The following GALNT18 variants were observed in gnomAD, a reference collection of about 807,000 sequenced individuals.
The protein encoded by GALNT18 is polypeptide N-acetylgalactosaminyltransferase 18.
GALNT18 carries 44 observed loss-of-function variants against 69.5 expected under a neutral mutation model. The observed-to-expected ratio is 0.63, with a 90% CI of 0.50 to 0.81. GALNT18 has a LOEUF of 0.81. Ranked by LOEUF, GALNT18 falls within the 40% of genes least tolerant of loss-of-function variation. The pLI is 0.00. For missense variants in GALNT18, 715 were observed against 810.0 expected, an observed-to-expected ratio of 0.88 and a Z score of 1.42; for synonymous variants, 364 against 318.2, an observed-to-expected ratio of 1.14 and a Z score of -1.53.
intron 1 of GALNT18, among the ~76,000 whole-genome samples, chr11:11,464,175 T>G (rs1411876833): frequency 6.6e-6 from 1 of 152,250 alleles, no homozygotes; most frequent in Non-Finnish European, 1.5e-5. Flanking sequence ...GCTTCTTCAG[T>G]GGGTCCCAGG....
intron 6 of GALNT18, among the ~76,000 whole-genome samples, chr11:11,365,784 C>T (rs1040098062): frequency 9.9e-5 from 15 of 152,160 alleles, no homozygotes; most frequent in African/African-American, 3.4e-4. Flanking sequence ...ATATGAAGAA[C>T]AATACCTATA....
intron 2 of GALNT18, among the ~76,000 whole-genome samples, chr11:11,438,745 C>T (rs991038008): frequency 2.6e-5 from 4 of 152,072 alleles, no homozygotes; most frequent in Non-Finnish European, 1.5e-5. Context: ...GAGCGAGGGG[C>T]GAAATGAAGG....
chr11:11,284,258 G>A (rs1327039320), intron 10 of GALNT18, among the ~76,000 whole-genome samples: 1 of 152,214 alleles, frequency 6.6e-6, no homozygotes, highest in Non-Finnish European at 1.5e-5. Flanking sequence ...TTTCCCAAGT[G>A]TGTCTGTGGT....
Position 11,514,870 on chromosome 11 carries a change from A to C in GALNT18, c.236-65934T>G, listed in dbSNP as rs77072842. Among the ~76,000 whole-genome samples, 1,034 of 152,348 alleles carry C rather than the reference A, an allele frequency of 6.8e-3. 12 individuals are homozygous for C. Among genetic ancestry groups the C allele is most frequent in the African/African-American group, 0.024 (997 of 41,580 alleles). On this transcript the variant is annotated intron_variant, in intron 1 of 10. Transcript: ENST00000227756. ...AAGTGAAGGATCTGGACCAGGAGGC[A>C]GAGGTTTGGTTGCTCATGGGAGGAT...
intron 8 of GALNT18, among the ~76,000 whole-genome samples, chr11:11,330,142 C>T (rs950379413): frequency 1.3e-5 from 2 of 152,096 alleles, no homozygotes; most frequent in African/African-American, 4.8e-5. Context: ...GGTCCTTAGG[C>T]CTGCAGGAGT....
intron 1 of GALNT18, among the ~76,000 whole-genome samples, chr11:11,524,346 G>T (rs190141844): frequency 1.4e-3 from 208 of 152,192 alleles, no homozygotes; most frequent in African/African-American, 4.8e-3. Context: ...TCATTTATCT[G>T]CCCTCCTTCT....
At chr11:11,373,221 G>A (rs1850955011) in intron 5 of GALNT18, among the ~76,000 whole-genome samples, 1 of 152,184 alleles carries the variant, frequency 6.6e-6, no homozygotes, top group South Asian at 2.1e-4. Context: ...AGTGACCAGA[G>A]GGTAAGGGGT....
intron 3 of GALNT18, among the ~76,000 whole-genome samples, chr11:11,409,394 C>T (rs1854675526): frequency 1.3e-5 from 2 of 152,204 alleles, no homozygotes; most frequent in African/African-American, 4.8e-5. Flanking sequence ...CTGCTCTCTG[C>T]ACAGTCTGGT....
chr11:11,281,456 T>C (rs1287321188), intron 10 of GALNT18, among the ~76,000 whole-genome samples: 1 of 152,180 alleles, frequency 6.6e-6, no homozygotes, highest in East Asian at 1.9e-4. Flanking sequence ...CAAGTGCCGC[T>C]GCCCACTCAG....
chr11:11,463,528 G>A lies in GALNT18; in HGVS notation c.236-14592C>T, dbSNP rs1299905490. On this transcript the variant is annotated intron_variant, in intron 1 of 10. Transcript: ENST00000227756. This position sits in a 1 kb window ranked among gnomAD's most constrained non-coding sequence, Gnocchi z 4.2. ...TCCCCTGGGAGCCCTAGCTGTTGTG[G>A]CCCCAGGGCTGAGCGTGCCATCACT... Among the ~76,000 whole-genome samples, 2 of 152,170 alleles carry A rather than the reference G, an allele frequency of 1.3e-5. No homozygotes were observed. The highest frequency in any genetic ancestry group is 1.3e-4 in the Admixed American group (2 of 15,282).
rs59428978 is a variant in GALNT18 at position 11,524,451 on chromosome 11, C to A, written c.236-75515G>T. Among the ~76,000 whole-genome samples, 1,501 of 152,302 alleles carry A rather than the reference C, an allele frequency of 9.9e-3. 29 individuals are homozygous for A. The highest frequency in any genetic ancestry group is 0.034 in the African/African-American group (1,425 of 41,566). ...GTTTCTCAATAACACTGAGCTTGAA[C>A]CTGTAACTTGCTGTGATCAATGGGA... On this transcript the variant is annotated intron_variant, in intron 1 of 10. Transcript: ENST00000227756.
At chr11:11,565,359 C>T (rs756510108) in intron 1 of GALNT18, among the ~76,000 whole-genome samples, 1 of 152,192 alleles carries the variant, frequency 6.6e-6, no homozygotes, top group Non-Finnish European at 1.5e-5. Context: ...TGGAACAGGA[C>T]TGGCGGTGGC....
chr11:11,471,859 T>C (rs1856277718), intron 1 of GALNT18, among the ~76,000 whole-genome samples: 1 of 152,234 alleles, frequency 6.6e-6, no homozygotes, highest in Admixed American at 6.5e-5. Context: ...ACTGGATGTC[T>C]GTTTGACAAA....
Position 11,470,737 on chromosome 11 carries a change from G to A in GALNT18, c.236-21801C>T, listed in dbSNP as rs538039561. Among the ~76,000 whole-genome samples, 18 of 152,136 alleles carry A rather than the reference G, an allele frequency of 1.2e-4. No homozygotes were observed. The highest frequency in any genetic ancestry group is 4.3e-4 in the African/African-American group (18 of 41,502). ...CCAGAGAGCTTCTTCCTGCCCCTGT[G>A]AGCCCTGTGCTGGGCAGCATCTCCC... On this transcript the variant is annotated intron_variant, in intron 1 of 10. Transcript: ENST00000227756. The surrounding 1 kb of genome is among the most constrained non-coding windows in gnomAD (Gnocchi z 4.8).
chr11:11,434,473 A>G (rs1855353443), intron 2 of GALNT18, among the ~76,000 whole-genome samples: 2 of 152,184 alleles, frequency 1.3e-5, no homozygotes, highest in Non-Finnish European at 2.9e-5. Flanking sequence ...TGACAGAAAA[A>G]CAGATACATA....
Position 11,293,128 on chromosome 11 carries a change from A to G in GALNT18, c.1578T>C (p.Asp526=), listed in dbSNP as rs113918582. Residue 526 remains aspartate, a synonymous_variant, in exon 10 of 11, where the codon GAT becomes GAC. Transcript: ENST00000227756. ...VGILSPTVDD[D]DNRCLVDVNS... is the part of the protein sequence containing the mutation. ...TGACGTCCACCAGGCATCGGTTGTC[A>G]TCATCATCCACGGTGGGGCTCAGAA... 743 of 1,369,798 alleles carry G rather than the reference A, an allele frequency of 5.4e-4. 4 individuals carry two copies. In the African/African-American group the frequency reaches 8.6e-3, roughly 16 times the overall value. The allele number at this position is 1,369,798 out of a possible 1,614,324, so 84.9% of individuals were successfully genotyped here.
chr11:11,563,797 C>T lies in GALNT18; in HGVS notation c.235+57562G>A, dbSNP rs1327554447. ...GAAATCAAAGCAGCTCTTTTCTATC[C>T]AGAACTATAAATATCCAGAGAGAGG... On this transcript the variant is annotated intron_variant, in intron 1 of 10. Transcript: ENST00000227756. The surrounding 1 kb of genome is among the most constrained non-coding windows in gnomAD (Gnocchi z 4.6). Among the ~76,000 whole-genome samples the T allele has an allele frequency of 6.6e-6, 1 of 152,182 alleles. No individual in the cohort carries two copies. Among genetic ancestry groups the T allele is most frequent in the African/African-American group, 2.4e-5 (1 of 41,448 alleles).
chr11:11,348,292 C>T (rs10831597), intron 6 of GALNT18, among the ~76,000 whole-genome samples: 60,378 of 150,534 alleles, frequency 0.4, 14,315 homozygotes, highest in Non-Finnish European at 0.54. Context: ...GCAGGAGAAT[C>T]GCTTGAACCC....
At chr11:11,362,435 T>C (rs1850663483) in intron 6 of GALNT18, among the ~76,000 whole-genome samples, 1 of 152,062 alleles carries the variant, frequency 6.6e-6, no homozygotes, top group Admixed American at 6.6e-5. Flanking sequence ...TACTTGCAAT[T>C]TGTATGATGG....
Sources: allele counts gnomAD v4.1 joint callset (sites outside exome capture counted in the v4.1 genomes callset), GRCh38; gene constraint gnomAD v4.1.1; non-coding constraint Gnocchi (gnomAD v3.1); transcripts MANE v1.5; gene names NCBI Gene and HGNC (gene_info 2026-07-23, HGNC 2026-07-21).